The following FIRRM variants were observed in gnomAD, a reference collection of about 807,000 sequenced individuals.
FIRRM encodes FIGNL1-interacting regulator of recombination and mitosis.
At chr1:169,833,968 G>C in the FIRRM span, among the ~76,000 whole-genome samples, 6 of 150,948 alleles carry the variant, frequency 4.0e-5, no homozygotes, top group African/African-American at 1.5e-4. Context: ...TGGGATTAGA[G>C]GTGTGAGCTA....
chr1:169,843,689 T>C, the FIRRM span: 1 of 1,612,632 alleles, frequency 6.2e-7, no homozygotes, highest in East Asian at 2.2e-5. Flanking sequence ...AGATCAACCT[T>C]ATGTTCAACA....
chr1:169,853,917 T>TTG, the FIRRM span: 1 of 864,534 alleles, frequency 1.2e-6, no homozygotes. Flanking sequence ...CTTAGAGCTC[T>TTG]AACAGAAAGT....
At chr1:169,847,094 A>G in the FIRRM span, among the ~76,000 whole-genome samples, 1 of 152,158 alleles carries the variant, frequency 6.6e-6, no homozygotes, top group Non-Finnish European at 1.5e-5. Flanking sequence ...CACACAATTT[A>G]TTATATTTGC....
the FIRRM span, chr1:169,829,321 CTACCTGTTCATTTACAGGGATTAAAGAGT>C: frequency 6.2e-7 from 1 of 1,613,358 alleles, no homozygotes; most frequent in Non-Finnish European, 8.5e-7. Flanking sequence ...TGAACTCTCT[CTACCTGTTCATTTACAGGGATTAAAGAGT>C]AAGGGGAAAG....
At chr1:169,801,490 TG>T in the FIRRM span, among the ~76,000 whole-genome samples, 3 of 149,042 alleles carry the variant, frequency 2.0e-5, no homozygotes, top group Non-Finnish European at 1.5e-5. Context: ...TCAGATTGTG[TG>T]GTTCCTTTAC....
chr1:169,788,041 G>A, the FIRRM span, among the ~76,000 whole-genome samples: 1 of 152,168 alleles, frequency 6.6e-6, no homozygotes. Flanking sequence ...CCCTATCATG[G>A]GGCTGAATCT....
the FIRRM span, among the ~76,000 whole-genome samples, chr1:169,842,090 C>T: frequency 6.6e-6 from 1 of 151,304 alleles, no homozygotes; most frequent in East Asian, 1.9e-4. Context: ...GTAGGAGAAT[C>T]GCTCGAACCT....
the FIRRM span, among the ~76,000 whole-genome samples, chr1:169,797,163 A>T: frequency 6.6e-6 from 1 of 152,220 alleles, no homozygotes; most frequent in Non-Finnish European, 1.5e-5. Flanking sequence ...TAAAGGGCTA[A>T]AAATATTTCA....
At chr1:169,785,239 G>A in the FIRRM span, among the ~76,000 whole-genome samples, 2 of 152,216 alleles carry the variant, frequency 1.3e-5, no homozygotes, top group African/African-American at 4.8e-5. Context: ...GGAGCTGGGC[G>A]AGCTCTTTGG....
At chr1:169,820,574 G>C in the FIRRM span, among the ~76,000 whole-genome samples, 7 of 152,206 alleles carry the variant, frequency 4.6e-5, no homozygotes, top group Non-Finnish European at 8.8e-5. Flanking sequence ...ATTTTCCTAA[G>C]TTGGGCCGCA....
the FIRRM span, among the ~76,000 whole-genome samples, chr1:169,817,336 A>T: frequency 1.3e-5 from 2 of 152,194 alleles, no homozygotes; most frequent in African/African-American, 4.8e-5. Context: ...TTTGATTAAA[A>T]CAAGACAACA....
At chr1:169,850,690 G>A in the FIRRM span, 39 of 173,638 alleles carry the variant, frequency 2.2e-4, no homozygotes, top group Middle Eastern at 2.9e-3. Flanking sequence ...CAGCTACTCG[G>A]GAGGCTGAGG....
chr1:169,806,178 A>G, the FIRRM span: 1 of 765,450 alleles, frequency 1.3e-6, no homozygotes, highest in Non-Finnish European at 2.1e-6. Flanking sequence ...TTGCATTTAA[A>G]ACATTTTGTG....
chr1:169,825,594 CTG>C, the FIRRM span, among the ~76,000 whole-genome samples: 1 of 152,186 alleles, frequency 6.6e-6, no homozygotes. Flanking sequence ...TAATTCAAGT[CTG>C]TGGAATTTCA....
chr1:169,852,554 G>A, the FIRRM span: 6 of 533,086 alleles, frequency 1.1e-5, no homozygotes, highest in South Asian at 1.4e-4. Flanking sequence ...CAGGATACTT[G>A]TTGTATACCA....
chr1:169,820,537 AC>A, the FIRRM span, among the ~76,000 whole-genome samples: 1 of 152,250 alleles, frequency 6.6e-6, no homozygotes, highest in East Asian at 1.9e-4. Flanking sequence ...GGGATCTCTA[AC>A]CCCCTAAATC....
the FIRRM span, among the ~76,000 whole-genome samples, chr1:169,803,463 C>T: frequency 6.6e-6 from 1 of 151,768 alleles, no homozygotes; most frequent in Non-Finnish European, 1.5e-5. Context: ...ATAATTGTTG[C>T]AAAAAAAGTG....
chr1:169,825,676 T>C, the FIRRM span, among the ~76,000 whole-genome samples: 1 of 152,224 alleles, frequency 6.6e-6, no homozygotes, highest in African/African-American at 2.4e-5. Flanking sequence ...TCAGAATCAA[T>C]GTCACAAATG....
At chr1:169,786,995 G>A in the FIRRM span, among the ~76,000 whole-genome samples, 2 of 152,136 alleles carry the variant, frequency 1.3e-5, no homozygotes, top group East Asian at 3.9e-4. Flanking sequence ...AATTACTAGA[G>A]CTACACAGAT....
Sources: allele counts gnomAD v4.1 joint callset (sites outside exome capture counted in the v4.1 genomes callset), GRCh38; gene constraint gnomAD v4.1.1; transcripts MANE v1.5; gene names NCBI Gene and HGNC (gene_info 2026-07-23, HGNC 2026-07-21).